The following GRIA4 variants were observed in gnomAD, a reference collection of about 807,000 sequenced individuals.
The protein encoded by GRIA4 is glutamate ionotropic receptor AMPA type subunit 4.
Under a neutral mutation model 104.0 loss-of-function variants are expected in GRIA4, and 34 were observed. The observed-to-expected ratio is 0.33, with a 90% CI of 0.25 to 0.44. The LOEUF is 0.44. GRIA4 is among the 20% of genes least tolerant of loss of function. The probability of loss-of-function intolerance (pLI) is 1.00; values close to 1 mark genes in which losing one functional copy is unlikely to be tolerated. For synonymous variants in GRIA4, 386 were observed against 381.9 expected (o/e 1.01, Z -0.13); for missense variants, 750 against 1,096.5 (o/e 0.68, Z 4.46).
intron 12 of GRIA4, among the ~76,000 whole-genome samples, chr11:105,925,707 A>C (rs1947686017): frequency 6.6e-6 from 1 of 152,136 alleles, no homozygotes; most frequent in African/African-American, 2.4e-5. Flanking sequence ...AAAGTAAGTC[A>C]AGCAATGGCT....
chr11:105,965,502 AG>A (rs1213067024), intron 14 of GRIA4, among the ~76,000 whole-genome samples: 1 of 151,806 alleles, frequency 6.6e-6, no homozygotes, highest in African/African-American at 2.4e-5. Context: ...TCAGGGAATC[AG>A]TAAAGAAAAA....
intron 4 of GRIA4, among the ~76,000 whole-genome samples, chr11:105,829,810 A>G (rs529504195): frequency 6.6e-6 from 1 of 152,016 alleles, no homozygotes; most frequent in Admixed American, 6.6e-5. Context: ...ATATAAGTTT[A>G]AAATTATAGA....
At chr11:105,977,516 T>C (rs1053602665) in intron 16 of GRIA4, among the ~76,000 whole-genome samples, 1 of 152,020 alleles carries the variant, frequency 6.6e-6, no homozygotes, top group Admixed American at 6.5e-5. Context: ...AATTGTTTTC[T>C]TTAGAAGATT....
intron 3 of GRIA4, among the ~76,000 whole-genome samples, chr11:105,730,872 T>C (rs1938542636): frequency 6.6e-6 from 1 of 152,108 alleles, no homozygotes; most frequent in Non-Finnish European, 1.5e-5. Context: ...TATACAAGGA[T>C]TAACTCAAGA....
At chr11:105,930,761 G>A (rs975815097) in intron 13 of GRIA4, among the ~76,000 whole-genome samples, 3 of 152,036 alleles carry the variant, frequency 2.0e-5, no homozygotes, top group Admixed American at 1.3e-4. Flanking sequence ...AAGTTGCCAA[G>A]TAATTAGCAT....
At chr11:105,860,170 T>C (rs1297182801) in intron 4 of GRIA4, among the ~76,000 whole-genome samples, 3 of 152,158 alleles carry the variant, frequency 2.0e-5, no homozygotes, top group Non-Finnish European at 4.4e-5. Context: ...TAGATAAAAA[T>C]GAATCCTGAC....
At chr11:105,677,297 C>T (rs1329791137) in intron 3 of GRIA4, among the ~76,000 whole-genome samples, 1 of 151,842 alleles carries the variant, frequency 6.6e-6, no homozygotes, top group Non-Finnish European at 1.5e-5. Context: ...GAGTGATAAT[C>T]ACAGTCAAGA....
At chr11:105,858,623 T>C (rs1443652813) in intron 4 of GRIA4, among the ~76,000 whole-genome samples, 1 of 152,148 alleles carries the variant, frequency 6.6e-6, no homozygotes, top group Admixed American at 6.6e-5. Flanking sequence ...CTAACTATAT[T>C]TTTGTACCTA....
intron 14 of GRIA4, among the ~76,000 whole-genome samples, chr11:105,935,850 G>C (rs1304453448): frequency 1.3e-5 from 2 of 152,066 alleles, no homozygotes; most frequent in Admixed American, 1.3e-4. Context: ...GATTGTTTGG[G>C]GAAAAGCTGA....
intron 3 of GRIA4, among the ~76,000 whole-genome samples, chr11:105,628,760 A>G (rs912565654): frequency 3.3e-5 from 5 of 152,200 alleles, no homozygotes; most frequent in Non-Finnish European, 4.4e-5. Context: ...AAAATTTGCT[A>G]ATGATTGTAT....
intron 3 of GRIA4, among the ~76,000 whole-genome samples, chr11:105,721,472 G>T (rs1937813979): frequency 6.6e-6 from 1 of 151,972 alleles, no homozygotes; most frequent in Admixed American, 6.6e-5. Flanking sequence ...AATATGTTTT[G>T]TTGTTTACAA....
intron 4 of GRIA4, among the ~76,000 whole-genome samples, chr11:105,837,958 T>C (rs77863916): frequency 0.06 from 9,175 of 152,188 alleles, 461 homozygotes; most frequent in African/African-American, 0.14. Context: ...ACACCCACTC[T>C]GCTCCTCTTA....
intron 4 of GRIA4, among the ~76,000 whole-genome samples, chr11:105,772,711 T>A (rs189083477): frequency 8.7e-4 from 133 of 152,170 alleles, no homozygotes; most frequent in Middle Eastern, 6.8e-3. Context: ...TATACTTATA[T>A]ATGTTTGTGT....
intron 4 of GRIA4, among the ~76,000 whole-genome samples, chr11:105,832,657 C>G (rs1333279343): frequency 6.6e-6 from 1 of 151,888 alleles, no homozygotes; most frequent in Non-Finnish European, 1.5e-5. Flanking sequence ...TATTAAAGAT[C>G]AAGTCCTTGC....
At chr11:105,891,180 T>G (rs942515728) in intron 6 of GRIA4, among the ~76,000 whole-genome samples, 1 of 152,166 alleles carries the variant, frequency 6.6e-6, no homozygotes, top group East Asian at 1.9e-4. Context: ...TATGATGATA[T>G]CGTTTGCTTA....
chr11:105,906,911 G>A (rs1005091525), intron 9 of GRIA4, among the ~76,000 whole-genome samples: 2 of 152,130 alleles, frequency 1.3e-5, no homozygotes, highest in Non-Finnish European at 2.9e-5. Context: ...GTTAACAGGT[G>A]GACAATGCTA....
chr11:105,756,076 T>C (rs148342034), intron 4 of GRIA4, among the ~76,000 whole-genome samples: 179 of 152,294 alleles, frequency 1.2e-3, no homozygotes, highest in Non-Finnish European at 2.1e-3. Context: ...TGTATCTGTA[T>C]ATATTCTATT....
At chr11:105,972,211 C>T (rs1371037866) in intron 15 of GRIA4, among the ~76,000 whole-genome samples, 183 bp downstream of exon 15, 1 of 152,066 alleles carries the variant, frequency 6.6e-6, no homozygotes, top group Non-Finnish European at 1.5e-5. Context: ...CAACCTGCTC[C>T]CCAATATTAA....
At chr11:105,747,708 T>G (rs529067839) in intron 3 of GRIA4, among the ~76,000 whole-genome samples, 71 of 152,264 alleles carry the variant, frequency 4.7e-4, no homozygotes, top group African/African-American at 1.6e-3. Context: ...GGAGAGAAAT[T>G]TAGTGATATT....
Sources: allele counts gnomAD v4.1 joint callset (sites outside exome capture counted in the v4.1 genomes callset), GRCh38; gene constraint gnomAD v4.1.1; transcripts MANE v1.5; gene names NCBI Gene and HGNC (gene_info 2026-07-23, HGNC 2026-07-21).